The following XKR4 variants were observed in gnomAD, a reference collection of about 807,000 sequenced individuals.
The protein encoded by XKR4 is XK-related protein 4.
Under a neutral mutation model 53.9 loss-of-function variants are expected in XKR4, and 12 were observed. That is an observed-to-expected ratio of 0.22 (90% CI 0.14 to 0.36). The LOEUF (loss-of-function observed/expected upper bound fraction) is 0.36, where lower values mean the gene tolerates loss of function less well. Among genes scored for constraint, XKR4 ranks in the 10% least tolerant of loss-of-function variants. The probability of loss-of-function intolerance (pLI) is 1.00; values close to 1 mark genes in which losing one functional copy is unlikely to be tolerated. For synonymous variants in XKR4, 354 were observed against 362.4 expected, an observed-to-expected ratio of 0.98 and a Z score of 0.26; for missense variants, 799 against 859.5, an observed-to-expected ratio of 0.93 and a Z score of 0.88.
chr8:55,450,047 G>A, intron 2 of XKR4: 1 of 775,078 alleles, frequency 1.3e-6, no homozygotes, highest in Non-Finnish European at 2.3e-6. Flanking sequence ...GGGGTGCCAC[G>A]TCCATCTGGC....
intron 1 of XKR4, among the ~76,000 whole-genome samples, chr8:55,113,096 A>G (rs75783315): frequency 1.3e-5 from 2 of 152,118 alleles, no homozygotes; most frequent in African/African-American, 4.8e-5. Context: ...ATATTAGTTG[A>G]GTTCTTACTT....
chr8:55,216,480 C>G (rs983574531), intron 1 of XKR4, among the ~76,000 whole-genome samples: 2 of 152,194 alleles, frequency 1.3e-5, no homozygotes, highest in Non-Finnish European at 2.9e-5. Context: ...GTAATCCCAG[C>G]ACTTTGAGAG....
intron 1 of XKR4, among the ~76,000 whole-genome samples, chr8:55,316,160 G>T (rs1819471410): frequency 6.6e-6 from 1 of 152,172 alleles, no homozygotes; most frequent in Non-Finnish European, 1.5e-5. Context: ...AACAGTGACA[G>T]CTCACGCTAA....
At chr8:55,360,250 C>A (rs776929588) in intron 2 of XKR4, among the ~76,000 whole-genome samples, 4 of 152,174 alleles carry the variant, frequency 2.6e-5, no homozygotes, top group Admixed American at 6.5e-5. Context: ...GACCCTCCAG[C>A]CAACGAAGAC....
At chr8:55,412,355 T>A (rs1332442498) in intron 2 of XKR4, among the ~76,000 whole-genome samples, 1 of 152,226 alleles carries the variant, frequency 6.6e-6, no homozygotes, top group Non-Finnish European at 1.5e-5. Flanking sequence ...CTATTAGCCA[T>A]CATGCCAGTT....
intron 2 of XKR4, among the ~76,000 whole-genome samples, chr8:55,383,207 C>T (rs1324685321): frequency 1.3e-5 from 2 of 151,918 alleles, no homozygotes; most frequent in African/African-American, 2.4e-5. Context: ...AGGGAGACTC[C>T]GTCTCAAAAA....
chr8:55,371,386 T>C (rs1804068075), intron 2 of XKR4, among the ~76,000 whole-genome samples: 1 of 152,154 alleles, frequency 6.6e-6, no homozygotes, highest in Admixed American at 6.5e-5. Context: ...TTCCCAACAC[T>C]TGAAAGAGGT....
At chr8:55,279,732 C>G (rs910790870) in intron 1 of XKR4, among the ~76,000 whole-genome samples, 4 of 152,134 alleles carry the variant, frequency 2.6e-5, no homozygotes, top group African/African-American at 9.7e-5. Context: ...AGCCAGGGCA[C>G]ACAGTCTTCA....
chr8:55,112,494 T>TTATCTGCAG (rs773512528), intron 1 of XKR4, among the ~76,000 whole-genome samples: 2 of 151,682 alleles, frequency 1.3e-5, no homozygotes, highest in Non-Finnish European at 2.9e-5. Context: ...CTGACTTCTT[T>TTATCTGCAG]TATCTGCAGT....
At chr8:55,495,804 C>T (rs558333425) in intron 2 of XKR4, among the ~76,000 whole-genome samples, 27 of 152,348 alleles carry the variant, frequency 1.8e-4, no homozygotes, top group South Asian at 4.1e-4. Context: ...CTACTGCTCC[C>T]GCAGCTGCTT....
At chr8:55,440,399 A>T (rs531531380) in intron 2 of XKR4, among the ~76,000 whole-genome samples, 2 of 152,312 alleles carry the variant, frequency 1.3e-5, no homozygotes, top group African/African-American at 4.8e-5. Context: ...GTTAGAATTT[A>T]AAATAGATAT....
At chr8:55,222,259 C>T (rs915960983) in intron 1 of XKR4, among the ~76,000 whole-genome samples, 6 of 152,300 alleles carry the variant, frequency 3.9e-5, no homozygotes, top group South Asian at 2.1e-4. Context: ...TTCCTGTGGG[C>T]GATGTTCTCT....
At chr8:55,485,703 T>C (rs549687575) in intron 2 of XKR4, among the ~76,000 whole-genome samples, 2 of 152,144 alleles carry the variant, frequency 1.3e-5, no homozygotes, top group Admixed American at 1.3e-4. Context: ...CCGGCCTAAG[T>C]GTTTCTTTTT....
chr8:55,455,642 C>T (rs748586808), intron 2 of XKR4, among the ~76,000 whole-genome samples: 4 of 152,154 alleles, frequency 2.6e-5, no homozygotes, highest in African/African-American at 9.7e-5. Flanking sequence ...AATTGAATAG[C>T]GAGATCCTGG....
chr8:55,417,875 T>C (rs780183116), intron 2 of XKR4, among the ~76,000 whole-genome samples: 1 of 151,834 alleles, frequency 6.6e-6, no homozygotes. Context: ...GGAATTTGAG[T>C]GGTATTGGCT....
chr8:55,454,123 G>A (rs1477801383), intron 2 of XKR4: 9 of 851,596 alleles, frequency 1.1e-5, no homozygotes, highest in Non-Finnish European at 1.8e-5. Flanking sequence ...GAGGGAAGGC[G>A]AGGTCAACCA....
At chr8:55,361,572 C>T (rs528653333) in intron 2 of XKR4, among the ~76,000 whole-genome samples, 1 of 152,088 alleles carries the variant, frequency 6.6e-6, no homozygotes, top group Non-Finnish European at 1.5e-5. Flanking sequence ...GGATAGCCCA[C>T]AGCTTCATCC....
At chr8:55,243,489 C>T (rs1391212360) in intron 1 of XKR4, among the ~76,000 whole-genome samples, 1 of 152,182 alleles carries the variant, frequency 6.6e-6, no homozygotes, top group African/African-American at 2.4e-5. Context: ...TCATCGGTTG[C>T]TTCCAAGTTT....
At chr8:55,317,036 G>C (rs1345688878) in intron 1 of XKR4, among the ~76,000 whole-genome samples, 2 of 152,114 alleles carry the variant, frequency 1.3e-5, no homozygotes, top group Non-Finnish European at 2.9e-5. Flanking sequence ...TCTCCCAGAG[G>C]AGGGCACCTA....
Sources: allele counts gnomAD v4.1 joint callset (sites outside exome capture counted in the v4.1 genomes callset), GRCh38; gene constraint gnomAD v4.1.1; transcripts MANE v1.5; gene names NCBI Gene and HGNC (gene_info 2026-07-23, HGNC 2026-07-21).